Variants in MARCHF1 observed in about 807,000 individuals in gnomAD.
MARCHF1 encodes E3 ubiquitin-protein ligase MARCHF1.
In MARCHF1, 40 loss-of-function variants were observed where a neutral mutation model predicts 54.2. That is an observed-to-expected ratio of 0.74 (90% CI 0.57 to 0.96). The LOEUF (loss-of-function observed/expected upper bound fraction) is 0.96. Among genes scored for constraint, MARCHF1 ranks in the 40% least tolerant of loss-of-function variants. MARCHF1 has a pLI of 0.00. For synonymous variants in MARCHF1, 236 were observed against 236.3 expected (o/e 1.00, Z 0.01); for missense variants, 586 against 656.5 (o/e 0.89, Z 1.17).
At chr4:163,851,405 A>C (rs1369939749) in intron 4 of MARCHF1, among the ~76,000 whole-genome samples, 1 of 152,118 alleles carries the variant, frequency 6.6e-6, no homozygotes, top group Non-Finnish European at 1.5e-5. Flanking sequence ...ATCATGGTTT[A>C]TTGTGGATTC....
intron 2 of MARCHF1, among the ~76,000 whole-genome samples, chr4:164,057,234 C>A (rs1269333316): frequency 6.6e-6 from 1 of 152,134 alleles, no homozygotes; most frequent in African/African-American, 2.4e-5. Flanking sequence ...ACAAATACTG[C>A]AGTACCTTGA....
rs115607800 is a variant in MARCHF1, at chr4:164,200,622, G to A, written c.-322-88960C>T. 5.7e-3 allele frequency among the ~76,000 whole-genome samples: 864 copies of A among 152,128 alleles called. 7 individuals are homozygous for A. The highest frequency in any genetic ancestry group is 0.02 in the African/African-American group (818 of 41,516). ...TCTTCAAAAATGTTATACATTTAACGATTTATTCTTCAAATATTGTATAAC... is the reference window on the plus strand; with the variant it reads ...TCTTCAAAAATGTTATACATTTAACAATTTATTCTTCAAATATTGTATAAC... On this transcript the variant is annotated intron_variant, in intron 1 of 9. Transcript: ENST00000514618.
chr4:163,532,892 C>A (rs1288172105), intron 9 of MARCHF1, among the ~76,000 whole-genome samples: 1 of 151,924 alleles, frequency 6.6e-6, no homozygotes, highest in Non-Finnish European at 1.5e-5. Context: ...GAACGACAAG[C>A]AGGAATTCTC....
intron 8 of MARCHF1, among the ~76,000 whole-genome samples, chr4:163,565,401 G>A (rs1245417172): frequency 2.0e-5 from 3 of 152,186 alleles, no homozygotes; most frequent in Non-Finnish European, 4.4e-5. Context: ...TTTCTAGACA[G>A]GAGAAATCAG....
chr4:164,255,390 TAAAAAA>T (rs3060483), intron 1 of MARCHF1, among the ~76,000 whole-genome samples: 20 of 132,166 alleles, frequency 1.5e-4, no homozygotes, highest in African/African-American at 5.5e-4. Flanking sequence ...GCAAGAAAGA[TAAAAAA>T]AAAAAAAAAT....
intron 2 of MARCHF1, among the ~76,000 whole-genome samples, chr4:164,062,401 C>A (rs146028373): frequency 3.3e-4 from 50 of 152,036 alleles, no homozygotes; most frequent in African/African-American, 1.2e-3. Flanking sequence ...TACTAATGTT[C>A]TTCGTGGCAT....
At chr4:163,697,778 T>TGAATATATGTATACATTTTATG (rs1744682011) in intron 5 of MARCHF1, among the ~76,000 whole-genome samples, 1 of 152,204 alleles carries the variant, frequency 6.6e-6, no homozygotes, top group Non-Finnish European at 1.5e-5. Context: ...TATTTATTGT[T>TGAATATATGTATACATTTTATG]GAATATATGT....
At chr4:164,191,501 A>C (rs1731122321) in intron 1 of MARCHF1, among the ~76,000 whole-genome samples, 1 of 152,178 alleles carries the variant, frequency 6.6e-6, no homozygotes, top group East Asian at 1.9e-4. Context: ...TGTCTCTACA[A>C]ATTTTTTGGA....
chr4:163,822,746 T>C (rs1748731000), intron 4 of MARCHF1, among the ~76,000 whole-genome samples: 2 of 151,894 alleles, frequency 1.3e-5, no homozygotes, highest in African/African-American at 2.4e-5. Context: ...TCTTTTCTTT[T>C]AGCTGTTTTG....
chr4:164,367,966 G>A (rs769596010), intron 1 of MARCHF1, among the ~76,000 whole-genome samples: 2 of 151,348 alleles, frequency 1.3e-5, no homozygotes, highest in Non-Finnish European at 1.5e-5. Flanking sequence ...AGTATATAGT[G>A]TGAAAATACA....
chr4:163,803,877 T>C (rs1329301582), intron 4 of MARCHF1, among the ~76,000 whole-genome samples: 1 of 152,232 alleles, frequency 6.6e-6, no homozygotes, highest in African/African-American at 2.4e-5. Flanking sequence ...TTGAAATCAC[T>C]TGTAAACCAA....
chr4:163,839,121 T>A (rs939776578), intron 4 of MARCHF1, among the ~76,000 whole-genome samples: 1 of 151,986 alleles, frequency 6.6e-6, no homozygotes, highest in African/African-American at 2.4e-5. Flanking sequence ...CAGGAAAAGA[T>A]CACCATCATT....
intron 5 of MARCHF1, among the ~76,000 whole-genome samples, chr4:163,636,888 C>T (rs1274173197): frequency 6.6e-6 from 1 of 152,130 alleles, no homozygotes; most frequent in Non-Finnish European, 1.5e-5. Context: ...GTACTGGTAC[C>T]AAAACAGAGA....
intron 2 of MARCHF1, among the ~76,000 whole-genome samples, chr4:164,065,480 A>T (rs1754707279): frequency 6.6e-6 from 1 of 152,228 alleles, no homozygotes; most frequent in South Asian, 2.1e-4. Context: ...CAGTGAAAGA[A>T]ACTATCAACA....
intron 3 of MARCHF1, among the ~76,000 whole-genome samples, chr4:163,972,147 A>G (rs1393096545): frequency 2.0e-5 from 3 of 152,116 alleles, no homozygotes; most frequent in Non-Finnish European, 4.4e-5. Flanking sequence ...GAGTCGAACA[A>G]TGAGAACACA....
intron 4 of MARCHF1, among the ~76,000 whole-genome samples, chr4:163,754,999 T>C (rs1746625608): frequency 1.3e-5 from 2 of 152,164 alleles, no homozygotes; most frequent in Non-Finnish European, 2.9e-5. Context: ...ATGATTTTCC[T>C]AGGGATGATT....
intron 3 of MARCHF1, among the ~76,000 whole-genome samples, chr4:163,924,095 G>C (rs1460763585): frequency 1.3e-5 from 2 of 152,166 alleles, no homozygotes; most frequent in South Asian, 4.1e-4. Context: ...TGTGCTTGAT[G>C]CATGGAGTGT....
At chr4:164,249,873 G>A (rs2111240526) in intron 1 of MARCHF1, among the ~76,000 whole-genome samples, 1 of 152,160 alleles carries the variant, frequency 6.6e-6, no homozygotes, top group South Asian at 2.1e-4. Flanking sequence ...TCCATTGACA[G>A]AAATGGAAAA....
At chr4:163,928,380 A>G (rs1751583991) in intron 3 of MARCHF1, among the ~76,000 whole-genome samples, 1 of 152,012 alleles carries the variant, frequency 6.6e-6, no homozygotes, top group Non-Finnish European at 1.5e-5. Flanking sequence ...GCAAGAGGAC[A>G]GGCAATCAGA....
Sources: allele counts gnomAD v4.1 joint callset (sites outside exome capture counted in the v4.1 genomes callset), GRCh38; gene constraint gnomAD v4.1.1; transcripts MANE v1.5; gene names NCBI Gene and HGNC (gene_info 2026-07-23, HGNC 2026-07-21).